NMI: variants seen among roughly 807,000 people sequenced by gnomAD.
NMI encodes N-myc and STAT interactor, also known as N-myc-interactor.
In NMI, 39 loss-of-function variants were observed where a neutral mutation model predicts 34.3. The ratio of observed to expected loss-of-function variants is 1.14; its 90% CI spans 0.88 to 1.49. The LOEUF (loss-of-function observed/expected upper bound fraction) is 1.49, where lower values mean the gene tolerates loss of function less well. Among genes scored for constraint, NMI ranks in the 40% most tolerant of loss-of-function variants. The pLI is 0.00. For missense variants in NMI, 339 were observed against 358.1 expected, an observed-to-expected ratio of 0.95 and a Z score of 0.43; for synonymous variants, 113 against 120.3, an observed-to-expected ratio of 0.94 and a Z score of 0.40.
chr2:151,272,386 C>T (rs1284839378), intron 6 of NMI, among the ~76,000 whole-genome samples: 1 of 152,132 alleles, frequency 6.6e-6, no homozygotes, highest in Admixed American at 6.5e-5. Flanking sequence ...ACTCATCTAC[C>T]TTGGATCAGC....
At chr2:151,274,507 A>C (rs1386829851) in intron 6 of NMI, among the ~76,000 whole-genome samples, 14 of 145,996 alleles carry the variant, frequency 9.6e-5, no homozygotes, top group African/African-American at 3.3e-4. Context: ...ACGGAGTCTC[A>C]CTCTGTCGCC....
chr2:151,274,471 A>G (rs1011274950), intron 6 of NMI, among the ~76,000 whole-genome samples: 1 of 148,382 alleles, frequency 6.7e-6, no homozygotes, highest in Non-Finnish European at 1.5e-5. Flanking sequence ...AGTTTGAGGA[A>G]ATGTCTCTTT....
chr2:151,287,108 T>C (rs946539376), intron 1 of NMI, among the ~76,000 whole-genome samples: 5 of 152,178 alleles, frequency 3.3e-5, no homozygotes, highest in Non-Finnish European at 5.9e-5. Flanking sequence ...ATTGTGGTTA[T>C]GTCGGAGCAC....
chr2:151,275,698 A>G (rs372075787), intron 5 of NMI, 28 bp from the exon 6 acceptor site: 42 of 1,611,720 alleles, frequency 2.6e-5, no homozygotes, highest in Non-Finnish European at 3.1e-5. Context: ...GTTCAGAAAT[A>G]TGGATGAGAG....
chr2:151,275,496 C>A lies in NMI; in HGVS notation c.622G>T (p.Val208Leu). The change falls in exon 6 of 8, where the codon GTG (valine) becomes TTG (leucine). Residue 208 changes from valine (V) to leucine (L), a missense_variant. Coordinates refer to ENST00000243346, the MANE Select transcript of NMI (RefSeq NM_004688.3). ...RQSGSAVITF[V>L]EIGVADKILK... ...CACCCTTGAGTACCTCCAATCTCCA[C>A]AAACGTGATGACTGCACTCCCGGAC... 3.7e-6 allele frequency: 6 copies of A among 1,613,826 alleles called. No homozygotes were observed. The highest frequency in any genetic ancestry group is 5.1e-6 in the Non-Finnish European group (6 of 1,180,002).
At chr2:151,279,119 A>T in intron 3 of NMI, 129 bp from the exon 4 acceptor site, 1 of 617,656 alleles carries the variant, frequency 1.6e-6, no homozygotes, top group Non-Finnish European at 2.8e-6. Context: ...AATATTGAGT[A>T]TGGTCTTATT....
Position 151,275,957 on chromosome 2 carries a change from A to C in NMI, c.341-93T>G, listed in dbSNP as rs1573743312. Reference sequence around the variant, plus strand: ...AGAACAAATTATCCTGAATATTTTTAATTTTCTTTAATATTAAAGGGTCTA... The same window carrying C: ...AGAACAAATTATCCTGAATATTTTTCATTTTCTTTAATATTAAAGGGTCTA... On this transcript the variant is annotated intron_variant, in intron 4 of 7. Coordinates refer to ENST00000243346, the MANE Select transcript of NMI (RefSeq NM_004688.3). 6 of 836,402 alleles carry C rather than the reference A, an allele frequency of 7.2e-6. No homozygotes were observed. In the East Asian group the frequency reaches 1.6e-4, roughly 23 times the overall value. 51.8% of individuals were successfully genotyped at this position (836,402 alleles called of 1,614,324 possible). A position where few individuals can be genotyped will look rare whatever the true frequency, so the allele number is the denominator to read the frequency against.
At chr2:151,287,031 T>C (rs754443315) in intron 1 of NMI, among the ~76,000 whole-genome samples, 1 of 152,150 alleles carries the variant, frequency 6.6e-6, no homozygotes, top group Non-Finnish European at 1.5e-5. Context: ...ACTGGTGAAA[T>C]TCACATTGGA....
In NMI at chr2:151,275,685, G is replaced by T. The variant is rs1480158627; in HGVS notation, c.448-15C>A. The T allele has an allele frequency of 6.2e-7, 1 of 1,613,038 alleles. No individual in the cohort carries two copies. The highest frequency in any genetic ancestry group is 1.1e-5 in the South Asian group (1 of 91,042). Reference sequence around the variant, plus strand: ...TCTACATAAACCTGGAAAATGATTTGATGTTCAGAAATATGGATGAGAGAA... The same window carrying T: ...TCTACATAAACCTGGAAAATGATTTTATGTTCAGAAATATGGATGAGAGAA... On this transcript the variant is annotated splice_polypyrimidine_tract_variant and intron_variant, in intron 5 of 7. Coordinates refer to ENST00000243346, the MANE Select transcript of NMI (RefSeq NM_004688.3).
chr2:151,287,302 ATCTC>A (rs4038670), intron 1 of NMI, among the ~76,000 whole-genome samples: 1,872 of 143,780 alleles, frequency 0.013, 55 homozygotes, highest in African/African-American at 0.045. Flanking sequence ...TTTAAACCAC[ATCTC>A]TCTCTCTCTC....
chr2:151,282,641 G>A (rs1683426505), intron 2 of NMI: 1 of 298,410 alleles, frequency 3.4e-6, no homozygotes, highest in East Asian at 6.9e-5. Flanking sequence ...AGAAATGAGG[G>A]TGTGAGTGAG....
chr2:151,274,316 C>A (rs1683242875), intron 6 of NMI, among the ~76,000 whole-genome samples: 1 of 128,068 alleles, frequency 7.8e-6, no homozygotes. Flanking sequence ...GCACTCCAGC[C>A]CGGGCGACAG....
chr2:151,277,647 G>C (rs1384713402), intron 4 of NMI: 1 of 152,112 alleles, frequency 6.6e-6, no homozygotes, highest in East Asian at 1.9e-4. Context: ...ATGAGTCCTG[G>C]ACTCCTCTTC....
At chr2:151,284,903 G>A (rs1236338624) in intron 1 of NMI, among the ~76,000 whole-genome samples, 3 of 152,170 alleles carry the variant, frequency 2.0e-5, no homozygotes, top group Non-Finnish European at 4.4e-5. Flanking sequence ...ACTTAGCTAT[G>A]TCTTAGTTTA....
rs142143728 is a variant in NMI, at chr2:151,288,552, A to T, written c.-7+1041T>A. On this transcript the variant is annotated intron_variant, in intron 1 of 7. Coordinates refer to ENST00000243346, the MANE Select transcript of NMI (RefSeq NM_004688.3). The stretch of plus-strand genomic sequence containing the variant: ...CTGCTACAGAATCCTAAGATAGTAA[A>T]TTGTGTATGTGAGTGTGTGTGTGTG... Among the ~76,000 whole-genome samples, 763 of 151,014 alleles carry T rather than the reference A, an allele frequency of 5.1e-3. 7 individuals are homozygous for T. Among genetic ancestry groups the T allele is most frequent in the African/African-American group, 0.018 (718 of 40,944 alleles).
chr2:151,270,713 T>C lies in NMI; in HGVS notation c.904A>G (p.Ile302Val), dbSNP rs1683167311. 6.2e-7 allele frequency: 1 copy of C among 1,613,862 alleles called. No homozygotes were observed. The highest frequency in any genetic ancestry group is 2.2e-5 in the East Asian group (1 of 44,854). ...VVKCSLGQPH[I>V]AYFEE ...TAAGTCTATTCTTCAAAGTATGCTA[T>C]GTGAGGTTGACCTAGAGAACACTTG... is the stretch of plus-strand genomic sequence containing the variant. Residue 302 changes from isoleucine to valine, a missense_variant, in exon 8 of 8, where the codon ATA becomes GTA. By Grantham distance (29) the Ile-to-Val change is conservative. Coordinates refer to ENST00000243346, the MANE Select transcript of NMI (RefSeq NM_004688.3).
chr2:151,280,640 C>T (rs977535229), intron 3 of NMI, among the ~76,000 whole-genome samples: 16 of 152,306 alleles, frequency 1.1e-4, no homozygotes, highest in Admixed American at 1.3e-4. Flanking sequence ...GTTTGGTCCT[C>T]TGCAAAGTGG....
Position 151,272,743 on chromosome 2 carries a change from A to G in NMI, c.635-1011T>C, listed in dbSNP as rs143119304. On this transcript the variant is annotated intron_variant, in intron 6 of 7. Transcript: ENST00000243346. The stretch of plus-strand genomic sequence containing the variant: ...AATACACACACACACAGAGAATATT[A>G]TTCAGCCTTTAAAAAGGATGAAATT... Among the ~76,000 whole-genome samples, 965 of 152,350 alleles carry G rather than the reference A, an allele frequency of 6.3e-3. 8 individuals are homozygous for G. The highest frequency in any genetic ancestry group is 0.011 in the Non-Finnish European group (723 of 68,036).
At chr2:151,287,328 T>TAC (rs3836200) in intron 1 of NMI, among the ~76,000 whole-genome samples, 11,726 of 148,238 alleles carry the variant, frequency 0.079, 1,279 homozygotes, top group African/African-American at 0.25. Flanking sequence ...CTCACACACA[T>TAC]ACACACACAC....
Sources: gnomAD v4.1 joint callset for allele counts (sites outside exome capture counted in the v4.1 genomes callset) on GRCh38, gnomAD v4.1.1 for gene constraint, MANE v1.5 for transcripts, NCBI Gene and HGNC (gene_info 2026-07-23, HGNC 2026-07-21) for gene names.